Variants in BRD10 observed in about 807,000 individuals in gnomAD.
BRD10 encodes the protein bromodomain containing 10, also known as uncharacterized bromodomain-containing protein 10.
the BRD10 span, among the ~76,000 whole-genome samples, chr9:5,959,531 G>C: frequency 1.3e-5 from 2 of 152,046 alleles, no homozygotes. Context: ...CGGTTTTTTA[G>C]ACAAAAAGTA....
At chr9:5,886,412 C>T in the BRD10 span, among the ~76,000 whole-genome samples, 40 of 152,228 alleles carry the variant, frequency 2.6e-4, no homozygotes, top group Non-Finnish European at 4.0e-4. Flanking sequence ...TAGGCGTATT[C>T]TGTGCCACGT....
At chr9:5,955,088 C>CA in the BRD10 span, among the ~76,000 whole-genome samples, 7 of 149,452 alleles carry the variant, frequency 4.7e-5, no homozygotes, top group South Asian at 2.1e-4. Context: ...AACTCTGTCT[C>CA]AAAAAAAAAT....
the BRD10 span, among the ~76,000 whole-genome samples, chr9:5,996,733 G>A: frequency 6.6e-6 from 1 of 152,162 alleles, no homozygotes; most frequent in Non-Finnish European, 1.5e-5. Context: ...TTTATTTACA[G>A]ACAAACAGTA....
chr9:5,934,464 T>A, the BRD10 span, among the ~76,000 whole-genome samples: 1 of 150,266 alleles, frequency 6.7e-6, no homozygotes, highest in East Asian at 2.0e-4. Context: ...GTTCAAGCAA[T>A]TCTCCTGCCT....
At chr9:5,971,235 G>A in the BRD10 span, among the ~76,000 whole-genome samples, 1 of 152,076 alleles carries the variant, frequency 6.6e-6, no homozygotes, top group Non-Finnish European at 1.5e-5. Flanking sequence ...TACTTGGATG[G>A]TTATTACACA....
the BRD10 span, among the ~76,000 whole-genome samples, chr9:5,932,681 G>C: frequency 6.6e-6 from 1 of 152,058 alleles, no homozygotes; most frequent in African/African-American, 2.4e-5. Context: ...ATCTCCCAAG[G>C]ATACTGAGAC....
the BRD10 span, among the ~76,000 whole-genome samples, chr9:5,979,420 G>A: frequency 6.6e-6 from 1 of 152,088 alleles, no homozygotes; most frequent in Non-Finnish European, 1.5e-5. Flanking sequence ...GGCTGAGGTG[G>A]GAGGATAACT....
the BRD10 span, among the ~76,000 whole-genome samples, chr9:5,945,806 A>G: frequency 6.6e-6 from 1 of 152,096 alleles, no homozygotes; most frequent in African/African-American, 2.4e-5. Flanking sequence ...TTACTGCGAA[A>G]AAGAACTAGA....
the BRD10 span, chr9:5,922,359 T>G: frequency 1.2e-6 from 2 of 1,613,962 alleles, no homozygotes; most frequent in Non-Finnish European, 1.7e-6. Context: ...GAAACTGCAT[T>G]CTTGGCTTTT....
At chr9:5,945,034 T>G in the BRD10 span, 1 of 612,960 alleles carries the variant, frequency 1.6e-6, no homozygotes, top group South Asian at 2.7e-5. Context: ...CAGAAGTTGT[T>G]TTAACACACA....
At chr9:5,946,050 G>C in the BRD10 span, among the ~76,000 whole-genome samples, 1 of 151,976 alleles carries the variant, frequency 6.6e-6, no homozygotes, top group African/African-American at 2.4e-5. Context: ...AACAATAAAA[G>C]CAAAAGTGGG....
the BRD10 span, among the ~76,000 whole-genome samples, chr9:5,950,925 TGAC>T: frequency 6.6e-6 from 1 of 152,022 alleles, no homozygotes; most frequent in Non-Finnish European, 1.5e-5. Flanking sequence ...TAGGGAATAA[TGAC>T]AAGAAAAAAA....
the BRD10 span, chr9:6,007,965 G>C: frequency 1.5e-6 from 2 of 1,295,640 alleles, no homozygotes; most frequent in Non-Finnish European, 1.9e-6. Flanking sequence ...GCTCACCGCC[G>C]GCGGGGCGGG....
At chr9:5,915,645 T>C in the BRD10 span, among the ~76,000 whole-genome samples, 1 of 152,208 alleles carries the variant, frequency 6.6e-6, no homozygotes, top group African/African-American at 2.4e-5. Flanking sequence ...ATAAACGTAC[T>C]TGCAGTCATA....
At chr9:5,908,767 T>G in the BRD10 span, 3 of 1,477,572 alleles carry the variant, frequency 2.0e-6, no homozygotes, top group Non-Finnish European at 2.8e-6. Context: ...TTGCTTGAAT[T>G]TAATACAGAC....
the BRD10 span, chr9:5,988,357 T>C: frequency 6.2e-7 from 1 of 1,612,624 alleles, no homozygotes; most frequent in South Asian, 1.1e-5. Context: ...TTTTTCTTCT[T>C]TTGCTCTCAG....
At chr9:5,892,381 G>A in the BRD10 span, 6 of 1,132,264 alleles carry the variant, frequency 5.3e-6, no homozygotes, top group African/African-American at 9.4e-5. Flanking sequence ...TGCTGTTGTG[G>A]GTCTTTATGA....
At chr9:5,931,988 T>G in the BRD10 span, among the ~76,000 whole-genome samples, 1 of 152,208 alleles carries the variant, frequency 6.6e-6, no homozygotes, top group African/African-American at 2.4e-5. Context: ...GGTCAAAACA[T>G]GGTGCTTATA....
the BRD10 span, among the ~76,000 whole-genome samples, chr9:5,951,866 G>A: frequency 1.9e-3 from 282 of 152,146 alleles, 3 homozygotes; most frequent in South Asian, 3.9e-3. Flanking sequence ...GAGTAATGCC[G>A]TGGTATTCAT....
Sources: gnomAD v4.1 joint callset for allele counts (sites outside exome capture counted in the v4.1 genomes callset) on GRCh38, gnomAD v4.1.1 for gene constraint, MANE v1.5 for transcripts, NCBI Gene and HGNC (gene_info 2026-07-23, HGNC 2026-07-21) for gene names.